The following VANGL2 variants were observed in gnomAD, a reference collection of about 807,000 sequenced individuals.
VANGL2 encodes the protein vang-like protein 2.
VANGL2 carries 14 observed loss-of-function variants against 50.2 expected under a neutral mutation model. The ratio of observed to expected loss-of-function variants is 0.28; its 90% CI spans 0.18 to 0.44. The LOEUF is 0.44. Among genes scored for constraint, VANGL2 ranks in the 20% least tolerant of loss-of-function variants. VANGL2 has a pLI of 1.00. For missense variants in VANGL2, 533 were observed against 701.5 expected (o/e 0.76, Z 2.71); for synonymous variants, 295 against 297.2 (o/e 0.99, Z 0.08).
At chr1:160,413,084 A>T (rs1048918149) in intron 1 of VANGL2, among the ~76,000 whole-genome samples, 2 of 152,164 alleles carry the variant, frequency 1.3e-5, no homozygotes, top group African/African-American at 4.8e-5. Flanking sequence ...CTGCCTAATG[A>T]CACATTTCTC....
In VANGL2 at chr1:160,427,416, A is replaced by T. The variant is rs1201414643; in HGVS notation, c.*2038A>T. ...TATTTTAAGATCCTGCCATGTTTTTAATCACTGTGATTTTTTTTTCATTCC... is the reference window on the plus strand; with the variant it reads ...TATTTTAAGATCCTGCCATGTTTTTTATCACTGTGATTTTTTTTTCATTCC... On this transcript the variant is annotated 3_prime_UTR_variant, in exon 8 of 8. Coordinates refer to ENST00000368061, the MANE Select transcript of VANGL2 (RefSeq NM_020335.3). 2 of 152,014 alleles carry T rather than the reference A, an allele frequency of 1.3e-5. No individual in the cohort carries two copies. Among genetic ancestry groups the T allele is most frequent in the African/African-American group, 2.4e-5 (1 of 41,206 alleles). The allele number at this position is 152,014 out of a possible 1,614,324, so 9.4% of individuals were successfully genotyped here. A position where few individuals can be genotyped will look rare whatever the true frequency, so the allele number is the denominator to read the frequency against.
chr1:160,416,777 C>T (rs937434139), intron 3 of VANGL2, among the ~76,000 whole-genome samples: 7 of 152,110 alleles, frequency 4.6e-5, no homozygotes, highest in African/African-American at 7.2e-5. Flanking sequence ...CCACTGTGCT[C>T]ACCTGGTAGG....
chr1:160,407,033 G>A (rs1056365549), intron 1 of VANGL2, among the ~76,000 whole-genome samples: 1 of 152,124 alleles, frequency 6.6e-6, no homozygotes, highest in African/African-American at 2.4e-5. Flanking sequence ...CGGCCCAGGG[G>A]GTCTGGTTTT....
At chr1:160,417,908 AT>A (rs4017836) in intron 3 of VANGL2, among the ~76,000 whole-genome samples, 43,632 of 129,684 alleles carry the variant, frequency 0.34, 6,921 homozygotes, top group African/African-American at 0.46. Context: ...GACTTCCATA[AT>A]TTTTTTTTTT....
intron 1 of VANGL2, among the ~76,000 whole-genome samples, chr1:160,414,853 G>T (rs957881246): frequency 6.6e-6 from 1 of 151,672 alleles, no homozygotes; most frequent in African/African-American, 2.4e-5. Context: ...GATTTGGGTG[G>T]GGGTTAGAGA....
intron 3 of VANGL2, 111 bp from the exon 4 acceptor site, chr1:160,418,891 C>A: frequency 7.3e-7 from 1 of 1,363,742 alleles, no homozygotes; most frequent in Non-Finnish European, 1.0e-6. Context: ...CTTCTCCTTT[C>A]CCATGTGTTC....
Position 160,426,639 on chromosome 1 carries a change from T to C in VANGL2, c.*1261T>C, listed in dbSNP as rs981025787. ...CTTTGCACCAAATCCAAATTCTTGA[T>C]AATTTAGATCTCATTTTGAGCAAAA... is the stretch of plus-strand genomic sequence containing the variant. On this transcript the variant is annotated 3_prime_UTR_variant, in exon 8 of 8. Transcript: ENST00000368061. 2.0e-5 allele frequency: 3 copies of C among 152,662 alleles called. No homozygotes were observed. In the East Asian group the frequency reaches 5.8e-4, roughly 29 times the overall value. The allele number at this position is 152,662 out of a possible 1,614,324, so 9.5% of individuals were successfully genotyped here.
chr1:160,424,447 C>T (rs915736735), intron 7 of VANGL2, among the ~76,000 whole-genome samples, 164 bp downstream of exon 7: 2 of 152,170 alleles, frequency 1.3e-5, no homozygotes, highest in Non-Finnish European at 2.9e-5. Flanking sequence ...ATTCCACCTG[C>T]CCCATCTGTG....
rs1371507226 is a variant in VANGL2, at chr1:160,427,155, T to G, written c.*1777T>G. The G allele has an allele frequency of 6.5e-6, 1 of 152,722 alleles. No individual in the cohort carries two copies. Among genetic ancestry groups the G allele is most frequent in the Non-Finnish European group, 1.5e-5 (1 of 68,090 alleles). 9.5% of individuals were successfully genotyped at this position (152,722 alleles called of 1,614,324 possible). On this transcript the variant is annotated 3_prime_UTR_variant, in exon 8 of 8. Coordinates refer to ENST00000368061, the MANE Select transcript of VANGL2 (RefSeq NM_020335.3). ...ATGAGATAGGCCTGTATGAAATATG[T>G]CCTGTTCTGGGGGTCTGTCTCTTTT...
intron 6 of VANGL2, among the ~76,000 whole-genome samples, chr1:160,423,558 A>T (rs1651341449): frequency 6.6e-6 from 1 of 152,008 alleles, no homozygotes; most frequent in Non-Finnish European, 1.5e-5. Context: ...TTCTTGATAG[A>T]AATTGTAGCA....
intron 6 of VANGL2, 116 bp downstream of exon 6, chr1:160,421,303 G>T: frequency 7.2e-7 from 1 of 1,382,264 alleles, no homozygotes; most frequent in South Asian, 1.3e-5. Context: ...TGAGTTGGGG[G>T]TGTGTGCTTG....
intron 6 of VANGL2, 37 bp downstream of exon 6, chr1:160,421,224 G>T (rs746904026): frequency 6.2e-7 from 1 of 1,610,956 alleles, no homozygotes; most frequent in South Asian, 1.1e-5. Flanking sequence ...GGAGGTGCTT[G>T]TTGGGTGAAT....
At chr1:160,407,117 G>T (rs1650702643) in intron 1 of VANGL2, among the ~76,000 whole-genome samples, 1 of 152,212 alleles carries the variant, frequency 6.6e-6, no homozygotes, top group Admixed American at 6.5e-5. Context: ...AAAAACAACA[G>T]ACTGTGAACA....
chr1:160,420,150 G>A (rs980737595), intron 4 of VANGL2, among the ~76,000 whole-genome samples: 1 of 152,174 alleles, frequency 6.6e-6, no homozygotes. Flanking sequence ...TGGGGATGAG[G>A]TGATCTTTGG....
Position 160,419,618 on chromosome 1 carries a change from C to A in VANGL2, c.800+9C>A. 1 of 1,598,154 alleles carries A rather than the reference C, an allele frequency of 6.3e-7. No homozygotes were observed. The highest frequency in any genetic ancestry group is 1.1e-5 in the South Asian group (1 of 90,950). On this transcript the variant is annotated intron_variant, in intron 4 of 7. Coordinates refer to ENST00000368061, the MANE Select transcript of VANGL2 (RefSeq NM_020335.3). This position sits in a 1 kb window ranked among gnomAD's most constrained non-coding sequence, Gnocchi z 5.8. ...AACGTTGGCCATCTCAGGTACTAGC[C>A]CACGGCTGGAGAAGGGTTGGGAGGG...
chr1:160,401,233 G>C (rs1048687901), intron 1 of VANGL2, among the ~76,000 whole-genome samples: 1 of 152,280 alleles, frequency 6.6e-6, no homozygotes. Flanking sequence ...GGAGGTGGGG[G>C]GAGAGGCGTG....
In VANGL2 at chr1:160,418,917, C is replaced by T. The variant is rs187861123; in HGVS notation, c.193-85C>T. On this transcript the variant is annotated intron_variant, in intron 3 of 7. Transcript: ENST00000368061. ...CCATGTGTTCTTCTCTGTCTCCTGT[C>T]CCCTCACCCTTTCTCCTGTTTCCCT... 2.7e-6 allele frequency: 4 copies of T among 1,506,018 alleles called. No individual in the cohort carries two copies. In the East Asian group the frequency reaches 6.8e-5, roughly 26 times the overall value. 93.3% of individuals were successfully genotyped at this position (1,506,018 alleles called of 1,614,324 possible).
Position 160,425,271 on chromosome 1 carries a change from C to T in VANGL2, c.1459C>T (p.Leu487=). 1 of 1,614,116 alleles carries T rather than the reference C, an allele frequency of 6.2e-7. No homozygotes were observed. The highest frequency in any genetic ancestry group is 1.1e-5 in the South Asian group (1 of 91,090). ...CCTCTTAAAACGCCAGGACTTCAGCCTGGTGGTCAGCACCAAGAAGGTCCC... is the reference window on the plus strand; with the variant it reads ...CCTCTTAAAACGCCAGGACTTCAGCTTGGTGGTCAGCACCAAGAAGGTCCC... ...VFLLKRQDFS[L]VVSTKKVPFF... is the part of the protein sequence containing the mutation. Residue 487 remains leucine, a synonymous_variant, in exon 8 of 8, where the codon CTG becomes TTG. Transcript: ENST00000368061.
At chr1:160,413,312 G>A (rs1407884591) in intron 1 of VANGL2, among the ~76,000 whole-genome samples, 2 of 148,624 alleles carry the variant, frequency 1.3e-5, no homozygotes, top group African/African-American at 2.5e-5. Flanking sequence ...ACGGAGTCTC[G>A]TTCTGTCGCC....
Sources: allele counts gnomAD v4.1 joint callset (sites outside exome capture counted in the v4.1 genomes callset), GRCh38; gene constraint gnomAD v4.1.1; non-coding constraint Gnocchi (gnomAD v3.1); transcripts MANE v1.5; gene names NCBI Gene and HGNC (gene_info 2026-07-23, HGNC 2026-07-21).